The following DSCAM variants were observed in gnomAD, a reference collection of about 807,000 sequenced individuals.
DSCAM encodes cell adhesion molecule DSCAM.
DSCAM carries 47 observed loss-of-function variants against 217.7 expected under a neutral mutation model. That is an observed-to-expected ratio of 0.22 (90% CI 0.17 to 0.28). The LOEUF is 0.28. Ranked by LOEUF, DSCAM falls within the 10% of genes least tolerant of loss-of-function variation. DSCAM has a pLI of 1.00. For missense variants in DSCAM, 2,080 were observed against 2,618.3 expected (o/e 0.79, Z 4.49); for synonymous variants, 1,056 against 1,015.3 (o/e 1.04, Z -0.76).
chr21:40,423,680 C>A (rs2075446041), intron 3 of DSCAM, among the ~76,000 whole-genome samples: 1 of 152,140 alleles, frequency 6.6e-6, no homozygotes, highest in Non-Finnish European at 1.5e-5. Flanking sequence ...GCCTTATACC[C>A]CTTGGTCGAA....
chr21:40,490,175 A>G (rs1294096850), intron 3 of DSCAM, among the ~76,000 whole-genome samples: 5 of 152,166 alleles, frequency 3.3e-5, no homozygotes, highest in African/African-American at 4.8e-5. Flanking sequence ...ACAGCCCAGG[A>G]AAGACCCACC....
chr21:40,536,539 C>A (rs1386726918), intron 3 of DSCAM, among the ~76,000 whole-genome samples: 1 of 151,814 alleles, frequency 6.6e-6, no homozygotes, highest in African/African-American at 2.4e-5. Context: ...GTAGCTGGGA[C>A]TACAGGCGCC....
intron 3 of DSCAM, among the ~76,000 whole-genome samples, chr21:40,459,641 C>A (rs533705957): frequency 4.5e-4 from 69 of 152,230 alleles, no homozygotes; most frequent in African/African-American, 1.5e-3. Context: ...AAGCGGAATG[C>A]AGACTCTACT....
chr21:40,257,373 T>A (rs1164079585), intron 11 of DSCAM, among the ~76,000 whole-genome samples: 1 of 151,936 alleles, frequency 6.6e-6, no homozygotes, highest in Non-Finnish European at 1.5e-5. Flanking sequence ...ATTGTTGTAT[T>A]TTTTTGTTTT....
At chr21:40,229,044 C>T (rs756277584) in intron 11 of DSCAM, among the ~76,000 whole-genome samples, 20 of 152,186 alleles carry the variant, frequency 1.3e-4, no homozygotes, top group Non-Finnish European at 2.2e-4. Context: ...TTTGTAAACT[C>T]CCACTTCATG....
In DSCAM at chr21:40,315,241, AT is replaced by A. The variant is rs1459294715; in HGVS notation, c.1784-2883del. On this transcript the variant is annotated intron_variant, in intron 8 of 32. Coordinates refer to ENST00000400454, the MANE Select transcript of DSCAM (RefSeq NM_001389.5). Reference sequence around the variant, plus strand: ...TGGAAAAACCTTGTTTCTACTAAAAATAAAAAAAAAAAATTAGCCAGGCATG... The same window carrying A: ...TGGAAAAACCTTGTTTCTACTAAAAAAAAAAAAAAAAATTAGCCAGGCATG... Among the ~76,000 whole-genome samples the A allele has an allele frequency of 3.5e-3, 515 of 148,638 alleles. 4 individuals are homozygous for A. Among genetic ancestry groups the A allele is most frequent in the African/African-American group, 0.013 (494 of 38,848 alleles).
intron 1 of DSCAM, among the ~76,000 whole-genome samples, chr21:40,806,226 G>A (rs1363421781): frequency 6.6e-6 from 1 of 152,170 alleles, no homozygotes; most frequent in African/African-American, 2.4e-5. Flanking sequence ...CTTCCAAGGT[G>A]CATTCTACTT....
At chr21:40,483,716 A>T (rs965731836) in intron 3 of DSCAM, among the ~76,000 whole-genome samples, 2 of 152,162 alleles carry the variant, frequency 1.3e-5, no homozygotes, top group African/African-American at 4.8e-5. Context: ...CTATTTGTCC[A>T]TTTCAAGCAT....
intron 18 of DSCAM, among the ~76,000 whole-genome samples, chr21:40,136,224 G>T (rs1343848574): frequency 6.6e-6 from 1 of 152,222 alleles, no homozygotes; most frequent in Non-Finnish European, 1.5e-5. Context: ...GTCCCAGATG[G>T]ATTGGAAATT....
At chr21:40,111,521 A>C (rs1224007566) in intron 20 of DSCAM, among the ~76,000 whole-genome samples, 2 of 152,170 alleles carry the variant, frequency 1.3e-5, no homozygotes, top group Admixed American at 1.3e-4. Context: ...CGAGCAAAAT[A>C]ACCAGCTAAC....
At chr21:40,539,488 T>C (rs1270408084) in intron 3 of DSCAM, among the ~76,000 whole-genome samples, 2 of 149,512 alleles carry the variant, frequency 1.3e-5, no homozygotes, top group Non-Finnish European at 3.0e-5. Context: ...AGAGCGAGAC[T>C]CCATCTCAAA....
intron 11 of DSCAM, among the ~76,000 whole-genome samples, chr21:40,245,103 T>A (rs1239207208): frequency 6.6e-6 from 1 of 152,162 alleles, no homozygotes; most frequent in Non-Finnish European, 1.5e-5. Context: ...ACAGAATAGC[T>A]GTGAGAGAAA....
At chr21:40,352,247 G>A (rs1006912464) in intron 5 of DSCAM, among the ~76,000 whole-genome samples, 2 of 152,146 alleles carry the variant, frequency 1.3e-5, no homozygotes, top group African/African-American at 4.8e-5. Context: ...TTTATTCAAT[G>A]GAGAACAGGG....
intron 2 of DSCAM, among the ~76,000 whole-genome samples, chr21:40,704,730 A>G (rs2090694310): frequency 6.6e-6 from 1 of 152,132 alleles, no homozygotes; most frequent in Non-Finnish European, 1.5e-5. Flanking sequence ...ATATTAAAGA[A>G]CAGAAAAAAA....
intron 3 of DSCAM, among the ~76,000 whole-genome samples, chr21:40,497,290 T>C (rs1023522167): frequency 7.2e-5 from 11 of 152,160 alleles, no homozygotes; most frequent in Admixed American, 1.3e-4. Flanking sequence ...GTAAATAATA[T>C]TCAGCTTTAT....
intron 1 of DSCAM, among the ~76,000 whole-genome samples, chr21:40,765,477 A>G (rs549495195): frequency 6.6e-5 from 10 of 152,174 alleles, no homozygotes; most frequent in Non-Finnish European, 1.2e-4. Flanking sequence ...TGGGGTATCT[A>G]TGACCACAGT....
rs373462453 is a variant in DSCAM, at chr21:40,476,378, T to C, written c.509-107133A>G. Among the ~76,000 whole-genome samples the C allele has an allele frequency of 3.4e-4, 52 of 152,356 alleles. No individual in the cohort carries two copies. In the East Asian group the frequency reaches 9.4e-3, roughly 28 times the overall value. ...AGGCTAATATAACCCATTGAGTTGT[T>C]ATAAGGCTTTAATTTTTAGATAACA... On this transcript the variant is annotated intron_variant, in intron 3 of 32. Transcript: ENST00000400454.
At chr21:40,717,783 AT>A (rs1395519345) in intron 1 of DSCAM, among the ~76,000 whole-genome samples, 3 of 152,258 alleles carry the variant, frequency 2.0e-5, no homozygotes, top group Non-Finnish European at 2.9e-5. Flanking sequence ...CTTTAAGTGG[AT>A]TCTTTTTATG....
At chr21:40,124,156 G>A (rs763042631) in intron 20 of DSCAM, 39 bp downstream of exon 20, 10 of 1,612,484 alleles carry the variant, frequency 6.2e-6, no homozygotes, top group Non-Finnish European at 7.6e-6. Context: ...CTCGTCCCTG[G>A]CAGACGCTTG....
Sources: allele counts gnomAD v4.1 joint callset (sites outside exome capture counted in the v4.1 genomes callset), GRCh38; gene constraint gnomAD v4.1.1; transcripts MANE v1.5; gene names NCBI Gene and HGNC (gene_info 2026-07-23, HGNC 2026-07-21).